The following MED24 variants were observed in gnomAD, a reference collection of about 807,000 sequenced individuals.
MED24 encodes the protein mediator of RNA polymerase II transcription subunit 24.
Under a neutral mutation model 118.8 loss-of-function variants are expected in MED24, and 74 were observed. The ratio of observed to expected loss-of-function variants is 0.62; its 90% CI spans 0.52 to 0.76. The LOEUF (loss-of-function observed/expected upper bound fraction) is 0.76. Ranked by LOEUF, MED24 falls within the 30% of genes least tolerant of loss-of-function variation. The pLI is 0.00. For synonymous variants in MED24, 521 were observed against 523.9 expected, an observed-to-expected ratio of 0.99 and a Z score of 0.08; for missense variants, 1,041 against 1,278.9, an observed-to-expected ratio of 0.81 and a Z score of 2.84.
At chr17:40,026,050 G>A (rs755176601) in intron 19 of MED24, 106 bp downstream of exon 19, 23 of 1,141,832 alleles carry the variant, frequency 2.0e-5, no homozygotes, top group Non-Finnish European at 2.8e-5. Context: ...GAGTGATCAA[G>A]TAGCGTGTTT....
At chr17:40,022,623 C>T (rs776060806) in intron 21 of MED24, 22 bp downstream of exon 21, 1 of 1,612,256 alleles carries the variant, frequency 6.2e-7, no homozygotes, top group South Asian at 1.1e-5. Flanking sequence ...CGGAGCAGGG[C>T]AAGCTCTGAA....
chr17:40,031,572 T>C lies in MED24; in HGVS notation c.1033A>G (p.Thr345Ala). ...TGGTCAGCTTTGTCCAACAAGGGGG[T>C]GAGCTTCAGCAGGAACTCAAAAGCA... ...NCAFEFLLKL[T>A]PLLDKADQRC... Residue 345 changes from threonine (T) to alanine (A), a missense_variant, in exon 11 of 26, where the codon ACC (threonine) becomes GCC (alanine). Thr to Ala is a moderately conservative substitution (Grantham distance 58). Around this residue, in one of 3 missense-constraint regions of MED24, gnomAD observed 434 missense variants for 514.9 expected, o/e 0.84. Transcript: ENST00000394128. 1.2e-6 allele frequency: 2 copies of C among 1,613,942 alleles called. No individual in the cohort carries two copies. Among genetic ancestry groups the C allele is most frequent in the East Asian group, 4.5e-5 (2 of 44,872 alleles).
At chr17:40,032,261 C>A in intron 9 of MED24, 171 bp from the exon 10 acceptor site, 1 of 703,090 alleles carries the variant, frequency 1.4e-6, no homozygotes, top group Non-Finnish European at 2.4e-6. Context: ...GTGCCCAGGC[C>A]CCTGATGCCC....
In MED24 at chr17:40,031,704, C is replaced by G. The variant is rs561025928; in HGVS notation, c.985-84G>C. ...AGGCAACCTTGTCTGCTGGAGGCAT[C>G]GGCCTGAGTTGCCTGGCTGCTTTCT... On this transcript the variant is annotated intron_variant, in intron 10 of 25. Coordinates refer to ENST00000394128, the MANE Select transcript of MED24 (RefSeq NM_014815.4). 3.0e-6 allele frequency: 4 copies of G among 1,323,850 alleles called. No individual in the cohort carries two copies. In the African/African-American group the frequency reaches 5.9e-5, roughly 19 times the overall value. 82.0% of individuals were successfully genotyped at this position (1,323,850 alleles called of 1,614,324 possible).
intron 3 of MED24, among the ~76,000 whole-genome samples, chr17:40,044,922 G>A (rs1177746469): frequency 1.3e-5 from 2 of 151,844 alleles, no homozygotes; most frequent in East Asian, 1.9e-4. Flanking sequence ...CAAAGGTATG[G>A]GGAAATACTG....
At position 40,043,890 on chromosome 17, in the gene MED24, C is replaced by CAAAAAAAAAAAAAAAAAA. The variant is rs35743512; in HGVS notation, c.214-7737_214-7736insTTTTTTTTTTTTTTTTTT. Reference sequence around the variant, plus strand: ...TGGGCAGAAGAGCGAGACTCCATCTCAAAAAAAAAAAAAACAAAGATTTAA... The same window carrying CAAAAAAAAAAAAAAAAAA: ...TGGGCAGAAGAGCGAGACTCCATCTCAAAAAAAAAAAAAAAAAAAAAAAAAAAAAAAACAAAGATTTAA... On this transcript the variant is annotated intron_variant, in intron 3 of 25. Transcript: ENST00000394128. Among the ~76,000 whole-genome samples the CAAAAAAAAAAAAAAAAAA allele has an allele frequency of 7.0e-3, 685 of 97,202 alleles. 41 individuals are homozygous for CAAAAAAAAAAAAAAAAAA. The highest frequency in any genetic ancestry group is 0.011 in the South Asian group (30 of 2,786). 63.8% of individuals were successfully genotyped at this position (97,202 alleles called of 152,430 possible).
chr17:40,036,991 G>A (rs1170764046), intron 3 of MED24, among the ~76,000 whole-genome samples: 1 of 152,020 alleles, frequency 6.6e-6, no homozygotes, highest in African/African-American at 2.4e-5. Context: ...GACTAGCCTG[G>A]CCAACATGGT....
Position 40,033,488 on chromosome 17 carries a change from TG to T in MED24, c.560-33del. 1 of 1,530,972 alleles carries T rather than the reference TG, an allele frequency of 6.5e-7. No homozygotes were observed. The highest frequency in any genetic ancestry group is 1.2e-5 in the South Asian group (1 of 84,102). The allele number at this position is 1,530,972 out of a possible 1,614,324, so 94.8% of individuals were successfully genotyped here. A position where few individuals can be genotyped will look rare whatever the true frequency, so the allele number is the denominator to read the frequency against. ...GAGGGAAGGAAGTACAGAAACATGA[TG>T]GGAAACAGGAGAGAAGGAGCACCTG... is the stretch of plus-strand genomic sequence containing the variant. On this transcript the variant is annotated intron_variant, in intron 6 of 25. Transcript: ENST00000394128. The surrounding 1 kb of genome is among the most constrained non-coding windows in gnomAD (Gnocchi z 5.2).
In MED24 at chr17:40,035,309, C is replaced by A. The variant is rs1983808412; in HGVS notation, c.367G>T (p.Ala123Ser). 2 of 1,609,882 alleles carry A rather than the reference C, an allele frequency of 1.2e-6. No homozygotes were observed. The highest frequency in any genetic ancestry group is 1.7e-5 in the Admixed American group (1 of 59,856). The change falls in exon 6 of 26, where the codon GCC (alanine) becomes TCC (serine). Residue 123 changes from alanine (A) to serine (S), a missense_variant. Around this residue, in one of 3 missense-constraint regions of MED24, gnomAD observed 434 missense variants for 514.9 expected, o/e 0.84. Transcript: ENST00000394128. ...KAEECIGLCR[A>S]LLSALHWLLR... ...AGCCAGTGGAGGGCGCTAAGAAGGG[C>A]TCGGCACAGTCCGATGCATTCCTCT...
Position 40,019,547 on chromosome 17 carries a change from TTTA to T in MED24, c.2949_2951del (p.Lys984del). On this transcript the variant is annotated inframe_deletion, in exon 26 of 26. Coordinates refer to ENST00000394128, the MANE Select transcript of MED24 (RefSeq NM_014815.4). ...AAGCCCCTCAGAGTGCAGCAATGGC[TTTA>T]GCAGCCACCTGGCGGCCCAGGGGCA... 6.2e-7 allele frequency: 1 copy of T among 1,612,324 alleles called. No individual in the cohort carries two copies. Among genetic ancestry groups the T allele is most frequent in the African/African-American group, 1.3e-5 (1 of 75,012 alleles).
intron 22 of MED24, 146 bp from the exon 23 acceptor site, chr17:40,022,200 G>A: frequency 1.1e-6 from 1 of 892,828 alleles, no homozygotes; most frequent in Non-Finnish European, 1.7e-6. Flanking sequence ...CCCACAATCT[G>A]ACAGGCCCCT....
At position 40,023,299 on chromosome 17, in the gene MED24, T is replaced by C. The variant is rs1340230545; in HGVS notation, c.2082A>G (p.Thr694=). The C allele has an allele frequency of 6.2e-7, 1 of 1,614,088 alleles. No homozygotes were observed. Among genetic ancestry groups the C allele is most frequent in the African/African-American group, 1.3e-5 (1 of 75,016 alleles). ...QIKFPSTGVD[T]MPYWNLLPPK... ...GGGGCAGCAGGTTCCAGTAGGGCAT[T>C]GTGTCCACCCCGGTGGAGGGAAACT... The change falls in exon 20 of 26, where the codon ACA becomes ACG. Residue 694 remains threonine, a synonymous_variant. Transcript: ENST00000394128.
chr17:40,022,927 G>A, intron 20 of MED24, 101 bp from the exon 21 acceptor site: 2 of 1,433,320 alleles, frequency 1.4e-6, no homozygotes, highest in Non-Finnish European at 1.9e-6. Flanking sequence ...GGCCCGCAGA[G>A]GGGGCCCCAG....
chr17:40,050,891 C>T (rs1364641870), intron 3 of MED24, among the ~76,000 whole-genome samples: 1 of 152,152 alleles, frequency 6.6e-6, no homozygotes, highest in Non-Finnish European at 1.5e-5. Context: ...AATCCCAGCA[C>T]TTTGGGAGGC....
Position 40,035,354 on chromosome 17 carries a change from A to G in MED24, c.327-5T>C, listed in dbSNP as rs766181745. On this transcript the variant is annotated splice_polypyrimidine_tract_variant and splice_region_variant and intron_variant, in intron 5 of 25. Coordinates refer to ENST00000394128, the MANE Select transcript of MED24 (RefSeq NM_014815.4). The stretch of plus-strand genomic sequence containing the variant: ...TCCTCTGCTTTGCCGTGACAGCTAC[A>G]GGGAAGGATGCAAAATCAGACTCTG... 5 of 1,571,912 alleles carry G rather than the reference A, an allele frequency of 3.2e-6. No homozygotes were observed. The highest frequency in any genetic ancestry group is 4.3e-6 in the Non-Finnish European group (5 of 1,155,458).
chr17:40,033,060 A>G lies in MED24; in HGVS notation c.818T>C (p.Met273Thr), dbSNP rs1568165153. 5 of 1,613,776 alleles carry G rather than the reference A, an allele frequency of 3.1e-6. No individual in the cohort carries two copies. The South Asian group carries it at 5.5e-5, about 18-fold the overall frequency. The change falls in exon 8 of 26, where the codon ATG becomes ACG. Residue 273 changes from methionine (M) to threonine (T), a missense_variant. Physicochemically the swap from Met to Thr is moderately conservative, Grantham distance 81. Around this residue, in one of 3 missense-constraint regions of MED24, gnomAD observed 434 missense variants for 514.9 expected, o/e 0.84. Coordinates refer to ENST00000394128, the MANE Select transcript of MED24 (RefSeq NM_014815.4). The surrounding 1 kb of genome is among the most constrained non-coding windows in gnomAD (Gnocchi z 5.2). ...GAGCCACTCGGCCCCTCCCACCTGC[A>G]TGCGCTTCACCATCGTCAGCTGCTC... ...LVEQLTMVKR[M>T]QHIPTPLFVL...
At position 40,031,205 on chromosome 17, in the gene MED24, G is replaced by A; in HGVS notation, c.1108C>T (p.Gln370Ter). ...TNFLLQECGKQGLLSEASVNN... is the reference protein window; with the variant it reads ...TNFLLQECGK ...ACGCTGGCCTCAGACAGAAGCCCCT[G>A]CTTGCCACATTCTTGGAGCAGGAAG... The change falls in exon 12 of 26, where the codon CAG (glutamine) becomes TAG (stop). Residue 370 changes from glutamine (Q) to a stop codon, truncating the protein, a stop_gained. Transcript: ENST00000394128. LOFTEE classifies it high-confidence loss of function. The A allele has an allele frequency of 6.4e-7, 1 of 1,574,086 alleles. No homozygotes were observed. Among genetic ancestry groups the A allele is most frequent in the Admixed American group, 1.9e-5 (1 of 53,798 alleles).
chr17:40,036,865 A>G (rs1225894954), intron 3 of MED24, among the ~76,000 whole-genome samples: 1 of 152,092 alleles, frequency 6.6e-6, no homozygotes, highest in African/African-American at 2.4e-5. Flanking sequence ...CATTTCCTGC[A>G]CTGAGCAGGT....
At chr17:40,035,082 C>T in intron 6 of MED24, 35 bp downstream of exon 6, 2 of 1,610,962 alleles carry the variant, frequency 1.2e-6, no homozygotes, top group African/African-American at 1.3e-5. Flanking sequence ...ATGGGAGCAG[C>T]GGCAGGTGGG....
Sources: gnomAD v4.1 joint callset for allele counts (sites outside exome capture counted in the v4.1 genomes callset) on GRCh38, gnomAD v4.1.1 for gene constraint, gnomAD v4.1.1 regional missense constraint, Gnocchi (gnomAD v3.1) non-coding constraint, MANE v1.5 for transcripts, NCBI Gene and HGNC (gene_info 2026-07-23, HGNC 2026-07-21) for gene names.